PLEKHA7: variants seen among roughly 807,000 people sequenced by gnomAD.
PLEKHA7 encodes the protein pleckstrin homology domain containing A7.
A neutral mutation model predicts 170.0 loss-of-function variants in PLEKHA7; 104 were observed. The observed-to-expected ratio is 0.61, with a 90% CI of 0.52 to 0.72. PLEKHA7 has a LOEUF of 0.72. PLEKHA7 is among the 30% of genes least tolerant of loss of function. The probability of loss-of-function intolerance (pLI) is 0.00; values close to 1 mark genes in which losing one functional copy is unlikely to be tolerated. For missense variants in PLEKHA7, 1,615 were observed against 1,671.7 expected, an observed-to-expected ratio of 0.97 and a Z score of 0.59; for synonymous variants, 648 against 660.8, an observed-to-expected ratio of 0.98 and a Z score of 0.30.
At chr11:16,981,824 C>G (rs1448349851) in intron 3 of PLEKHA7, among the ~76,000 whole-genome samples, 2 of 152,212 alleles carry the variant, frequency 1.3e-5, no homozygotes, top group African/African-American at 4.8e-5. Flanking sequence ...TCCGTCTGAA[C>G]TGCTGCTGCC....
intron 4 of PLEKHA7, among the ~76,000 whole-genome samples, chr11:16,857,863 C>T (rs952406781): frequency 3.9e-5 from 6 of 152,164 alleles, no homozygotes; most frequent in Non-Finnish European, 5.9e-5. Context: ...GTATTACAGG[C>T]GCTTGCCACC....
At position 16,778,868 on chromosome 11, in the gene PLEKHA7, T is replaced by G; in HGVS notation, c.*130A>C. 1 of 689,648 alleles carries G rather than the reference T, an allele frequency of 1.5e-6. No individual in the cohort carries two copies. The highest frequency in any genetic ancestry group is 2.6e-6 in the Non-Finnish European group (1 of 377,914). 42.7% of individuals were successfully genotyped at this position (689,648 alleles called of 1,614,324 possible). A position where few individuals can be genotyped will look rare whatever the true frequency, so the allele number is the denominator to read the frequency against. On this transcript the variant is annotated 3_prime_UTR_variant, in exon 27 of 27. Transcript: ENST00000531066. ...GCCTGTGGTGAACACCCGCAGTCGG[T>G]AAGCTGCTCCTTCCTCCGGCCGGAT...
chr11:16,888,598 T>TA (rs1209934571), intron 3 of PLEKHA7, among the ~76,000 whole-genome samples: 2 of 152,256 alleles, frequency 1.3e-5, no homozygotes, highest in Non-Finnish European at 2.9e-5. Flanking sequence ...TTAAATGGAT[T>TA]AAGGGCGGTG....
chr11:16,831,930 T>C (rs978063089), intron 9 of PLEKHA7, among the ~76,000 whole-genome samples: 1 of 152,204 alleles, frequency 6.6e-6, no homozygotes, highest in Non-Finnish European at 1.5e-5. Context: ...GCAAAACACT[T>C]ACATTTCCCA....
chr11:16,979,042 G>A (rs539715240), intron 3 of PLEKHA7, among the ~76,000 whole-genome samples: 1 of 152,210 alleles, frequency 6.6e-6, no homozygotes, highest in East Asian at 1.9e-4. Context: ...TGTTGTTGTT[G>A]TTGTTTTGTT....
intron 10 of PLEKHA7, among the ~76,000 whole-genome samples, chr11:16,821,534 T>G (rs1477998604): frequency 6.6e-6 from 1 of 152,230 alleles, no homozygotes; most frequent in Non-Finnish European, 1.5e-5. Flanking sequence ...CAGGATCATA[T>G]TGCAGTTCAA....
At chr11:16,842,060 G>A (rs916419281) in intron 8 of PLEKHA7, among the ~76,000 whole-genome samples, 1 of 152,174 alleles carries the variant, frequency 6.6e-6, no homozygotes, top group African/African-American at 2.4e-5. Flanking sequence ...AGACTCTTGG[G>A]AATCCCTGTT....
chr11:16,786,316 C>T lies in PLEKHA7; in HGVS notation c.3429G>A (p.Glu1143=), dbSNP rs1209869907. Reference sequence around the variant, plus strand: ...CCTGCACTTTCAACCAGCCATTCTCCTCCTTGTCCTTTTTTTCCCCTTGCA... The same window carrying T: ...CCTGCACTTTCAACCAGCCATTCTCTTCCTTGTCCTTTTTTTCCCCTTGCA... The part of the protein sequence containing the change: ...RVVQGEKKDK[E]ENGWLKVQAM... The change falls in exon 24 of 27, where the codon GAG becomes GAA. Residue 1143 remains glutamate (E), a synonymous_variant. Coordinates refer to ENST00000531066, the MANE Select transcript of PLEKHA7 (RefSeq NM_001329630.2). 6 of 1,536,190 alleles carry T rather than the reference C, an allele frequency of 3.9e-6. No individual in the cohort carries two copies. The highest frequency in any genetic ancestry group is 1.2e-5 in the South Asian group (1 of 84,068).
chr11:16,843,236 G>C (rs1852113659), intron 8 of PLEKHA7, among the ~76,000 whole-genome samples: 1 of 152,244 alleles, frequency 6.6e-6, no homozygotes, highest in African/African-American at 2.4e-5. Context: ...TGATTACACA[G>C]ATAACTGGTT....
At chr11:16,839,716 G>C (rs1851803431) in intron 9 of PLEKHA7, among the ~76,000 whole-genome samples, 1 of 152,100 alleles carries the variant, frequency 6.6e-6, no homozygotes, top group Non-Finnish European at 1.5e-5. Flanking sequence ...ATCTAGAAAT[G>C]ATTTAAAGTA....
chr11:16,919,057 CA>C (rs1262547948), intron 3 of PLEKHA7, among the ~76,000 whole-genome samples: 7 of 151,974 alleles, frequency 4.6e-5, no homozygotes, highest in Admixed American at 3.9e-4. Context: ...CTAAAAAATA[CA>C]AAAAAATTAG....
chr11:16,866,584 C>T (rs765401678), intron 4 of PLEKHA7, among the ~76,000 whole-genome samples: 5 of 151,364 alleles, frequency 3.3e-5, no homozygotes, highest in Non-Finnish European at 7.4e-5. Context: ...AAGAATGAAA[C>T]TCTGTCTCAA....
Position 16,786,298 on chromosome 11 carries a change from T to C in PLEKHA7, c.3447A>G (p.Lys1149=). 3.9e-6 allele frequency: 6 copies of C among 1,536,148 alleles called. No homozygotes were observed. Among genetic ancestry groups the C allele is most frequent in the Non-Finnish European group, 5.2e-6 (6 of 1,146,906 alleles). Residue 1149 remains lysine (K), a synonymous_variant, in exon 24 of 27, where the codon AAA becomes AAG. Transcript: ENST00000531066. The part of the protein sequence containing the change: ...KKDKEENGWL[K]VQAMPVTELD... The stretch of plus-strand genomic sequence containing the variant: ...ACTCAGTGACAGGCATGGCCTGCAC[T>C]TTCAACCAGCCATTCTCCTCCTTGT...
Position 16,783,024 on chromosome 11 carries a change from C to A in PLEKHA7, c.3651-128G>T, listed in dbSNP as rs184724245. 1.1e-4 allele frequency: 108 copies of A among 1,027,790 alleles called. No individual in the cohort carries two copies. In the East Asian group the frequency reaches 2.3e-3, roughly 22 times the overall value. 63.7% of individuals were successfully genotyped at this position (1,027,790 alleles called of 1,614,324 possible). ...GATCAGACAAAAACTGTGGTACTTTCTCCCTAGACAAAGGTACATGCTTTT... is the reference window on the plus strand; with the variant it reads ...GATCAGACAAAAACTGTGGTACTTTATCCCTAGACAAAGGTACATGCTTTT... On this transcript the variant is annotated intron_variant, in intron 25 of 26. Coordinates refer to ENST00000531066, the MANE Select transcript of PLEKHA7 (RefSeq NM_001329630.2).
intron 3 of PLEKHA7, among the ~76,000 whole-genome samples, chr11:16,933,614 A>T (rs1860089504): frequency 6.6e-6 from 1 of 152,228 alleles, no homozygotes; most frequent in Non-Finnish European, 1.5e-5. Flanking sequence ...GAGAAGTACA[A>T]GTCAAAGGGG....
chr11:16,825,964 TCA>T (rs1382365647), intron 10 of PLEKHA7, among the ~76,000 whole-genome samples, 154 bp downstream of exon 10: 1 of 152,250 alleles, frequency 6.6e-6, no homozygotes, highest in African/African-American at 2.4e-5. Flanking sequence ...GTTAGGAATA[TCA>T]CCCTTTCTTG....
At position 16,799,584 on chromosome 11, in the gene PLEKHA7, T is replaced by TA. The variant is rs144768651; in HGVS notation, c.2409+1389dup. On this transcript the variant is annotated intron_variant, in intron 17 of 26. Transcript: ENST00000531066. The stretch of plus-strand genomic sequence containing the variant: ...AAATAAAGCAAAAAAAAATTACTGC[T>TA]AAAAAAATTCAGATCACTGAAGTCC... Among the ~76,000 whole-genome samples, 142 of 152,270 alleles carry TA rather than the reference T, an allele frequency of 9.3e-4. 1 individual carries two copies. In the East Asian group the frequency reaches 0.023, roughly 25 times the overall value.
At chr11:16,901,536 T>A (rs1857336424) in intron 3 of PLEKHA7, among the ~76,000 whole-genome samples, 1 of 152,160 alleles carries the variant, frequency 6.6e-6, no homozygotes. Context: ...AGGAACAGCT[T>A]TATTGAGATA....
intron 3 of PLEKHA7, among the ~76,000 whole-genome samples, chr11:17,003,559 T>C (rs1362099252): frequency 2.0e-5 from 3 of 152,220 alleles, no homozygotes; most frequent in African/African-American, 4.8e-5. Flanking sequence ...TTAACTCACA[T>C]AATCCTCACA....
Sources: gnomAD v4.1 joint callset for allele counts (sites outside exome capture counted in the v4.1 genomes callset) on GRCh38, gnomAD v4.1.1 for gene constraint, MANE v1.5 for transcripts, NCBI Gene and HGNC (gene_info 2026-07-23, HGNC 2026-07-21) for gene names.